Variants in ZNF462 observed in about 807,000 individuals in gnomAD.
ZNF462 encodes the protein zinc finger protein 462.
A neutral mutation model predicts 201.9 loss-of-function variants in ZNF462; 10 were observed. That is an observed-to-expected ratio of 0.05 (90% CI 0.03 to 0.08). The LOEUF is 0.08. Ranked by LOEUF, ZNF462 falls within the 10% of genes least tolerant of loss-of-function variation. The pLI is 1.00. For synonymous variants in ZNF462, 1,227 were observed against 1,193.3 expected, an observed-to-expected ratio of 1.03 and a Z score of -0.58; for missense variants, 2,523 against 3,168.3, an observed-to-expected ratio of 0.80 and a Z score of 4.89.
At chr9:106,897,482 C>A (rs544434947) in intron 1 of ZNF462, among the ~76,000 whole-genome samples, 1 of 146,044 alleles carries the variant, frequency 6.8e-6, no homozygotes, top group African/African-American at 2.5e-5. Flanking sequence ...TGAAGACTTA[C>A]TTTTTTTTTT....
chr9:106,869,330 A>G (rs1056557427), intron 1 of ZNF462, among the ~76,000 whole-genome samples: 3 of 152,178 alleles, frequency 2.0e-5, no homozygotes, highest in Non-Finnish European at 4.4e-5. Context: ...TTGCAGACTA[A>G]TGGCTAACCT....
chr9:106,927,204 T>TGGGCCCCC lies in ZNF462; in HGVS notation c.3292_3293insGGGCCCCC (p.Ser1098TrpfsTer46). ...GTCTCCCAAAATGTCCAACATGGGT[T>TGGGCCCCC]CCCCACCCCCCCCACAACCCCCGCC... On this transcript the variant is annotated frameshift_variant, in exon 3 of 13. Coordinates refer to ENST00000277225, the MANE Select transcript of ZNF462 (RefSeq NM_021224.6). LOFTEE classifies it high-confidence loss of function. 1 of 1,570,630 alleles carries TGGGCCCCC rather than the reference T, an allele frequency of 6.4e-7. No homozygotes were observed. Among genetic ancestry groups the TGGGCCCCC allele is most frequent in the Non-Finnish European group, 8.7e-7 (1 of 1,149,978 alleles).
In ZNF462 at chr9:106,920,281, T is replaced by G. The variant is rs540004859; in HGVS notation, c.-30-3073T>G. ...CCCTTCCCCTCCACTTGCTGTCACT[T>G]TTTGCACATGTGCCCATGTACCATC... is the stretch of plus-strand genomic sequence containing the variant. On this transcript the variant is annotated intron_variant, in intron 1 of 12. Coordinates refer to ENST00000277225, the MANE Select transcript of ZNF462 (RefSeq NM_021224.6). The surrounding 1 kb of genome is among the most constrained non-coding windows in gnomAD (Gnocchi z 4.3). Among the ~76,000 whole-genome samples, 1 of 152,308 alleles carries G rather than the reference T, an allele frequency of 6.6e-6. No homozygotes were observed. Among genetic ancestry groups the G allele is most frequent in the African/African-American group, 2.4e-5 (1 of 41,568 alleles).
At chr9:106,992,070 G>A (rs1439945588) in intron 10 of ZNF462, among the ~76,000 whole-genome samples, 1 of 151,772 alleles carries the variant, frequency 6.6e-6, no homozygotes, top group African/African-American at 2.4e-5. Context: ...CAGACTAGAA[G>A]CAAATATTTG....
rs1428755631 is a variant in ZNF462, at chr9:107,008,728, A to G, written c.7190-817A>G. On this transcript the variant is annotated intron_variant, in intron 11 of 12. Coordinates refer to ENST00000277225, the MANE Select transcript of ZNF462 (RefSeq NM_021224.6). The surrounding 1 kb of genome is among the most constrained non-coding windows in gnomAD (Gnocchi z 4.8). ...GAAAACAGTTAAACAGCCAATCCAC[A>G]TTTATCAGACTTCTACCATGTGCCT... 2.0e-5 allele frequency among the ~76,000 whole-genome samples: 3 copies of G among 152,216 alleles called. No individual in the cohort carries two copies. The highest frequency in any genetic ancestry group is 7.2e-5 in the African/African-American group (3 of 41,458).
rs1829085847 is a variant in ZNF462 at position 106,902,027 on chromosome 9, C to G, written c.-30-21327C>G. On this transcript the variant is annotated intron_variant, in intron 1 of 12. Coordinates refer to ENST00000277225, the MANE Select transcript of ZNF462 (RefSeq NM_021224.6). The surrounding 1 kb of genome is among the most constrained non-coding windows in gnomAD (Gnocchi z 4.2). ...CTCAGAGGGAGAGCTTTCAACTTTCCCCATTCAGTATTATGCTGGCTGTGG... is the reference window on the plus strand; with the variant it reads ...CTCAGAGGGAGAGCTTTCAACTTTCGCCATTCAGTATTATGCTGGCTGTGG... 6.6e-6 allele frequency among the ~76,000 whole-genome samples: 1 copy of G among 152,030 alleles called. No individual in the cohort carries two copies. Among genetic ancestry groups the G allele is most frequent in the African/African-American group, 2.4e-5 (1 of 41,410 alleles).
At chr9:106,960,894 T>C (rs1044195371) in intron 7 of ZNF462, among the ~76,000 whole-genome samples, 4 of 152,118 alleles carry the variant, frequency 2.6e-5, no homozygotes, top group African/African-American at 4.8e-5. Flanking sequence ...CATATCTGCT[T>C]TTCTGAGCCA....
chr9:106,892,777 C>A (rs1177584431), intron 1 of ZNF462, among the ~76,000 whole-genome samples: 1 of 152,040 alleles, frequency 6.6e-6, no homozygotes, highest in Non-Finnish European at 1.5e-5. Context: ...AGGCCTGTTT[C>A]CTCCGTCATC....
chr9:107,006,782 C>T lies in ZNF462; in HGVS notation c.7190-2763C>T, dbSNP rs1284580860. The stretch of plus-strand genomic sequence containing the variant: ...TCAGCAGGAAATGACAGCCAAGGTA[C>T]ACTACCCTTTCAAAAACCCTGTGCC... On this transcript the variant is annotated intron_variant, in intron 11 of 12. Coordinates refer to ENST00000277225, the MANE Select transcript of ZNF462 (RefSeq NM_021224.6). This position sits in a 1 kb window ranked among gnomAD's most constrained non-coding sequence, Gnocchi z 4.3. Among the ~76,000 whole-genome samples, 1 of 152,130 alleles carries T rather than the reference C, an allele frequency of 6.6e-6. No individual in the cohort carries two copies. Among genetic ancestry groups the T allele is most frequent in the Non-Finnish European group, 1.5e-5 (1 of 68,028 alleles).
chr9:106,924,030 T>C lies in ZNF462; in HGVS notation c.221-103T>C. 1.0e-6 allele frequency: 1 copy of C among 1,000,182 alleles called. No individual in the cohort carries two copies. The highest frequency in any genetic ancestry group is 1.4e-6 in the Non-Finnish European group (1 of 691,794). 62.0% of individuals were successfully genotyped at this position (1,000,182 alleles called of 1,614,324 possible). On this transcript the variant is annotated intron_variant, in intron 2 of 12. Coordinates refer to ENST00000277225, the MANE Select transcript of ZNF462 (RefSeq NM_021224.6). The surrounding 1 kb of genome is among the most constrained non-coding windows in gnomAD (Gnocchi z 6.2). ...ATCTTGAGACTTCAGGCCTTTTGCA[T>C]GTGATGTTTAGTAATGAAGAATAAT... is the stretch of plus-strand genomic sequence containing the variant.
rs750576314 is a variant in ZNF462 at position 106,928,649 on chromosome 9, C to T, written c.4737C>T (p.Cys1579=). The T allele has an allele frequency of 1.9e-6, 3 of 1,614,148 alleles. No individual in the cohort carries two copies. In the South Asian group the frequency reaches 3.3e-5, roughly 18 times the overall value. ...IFKQGYGAYR[C]KLCPYTHGTL... Reference sequence around the variant, plus strand: ...AGCAAGGGTATGGCGCCTACCGGTGCAAACTGTGTCCGTACACACACGGCA... The same window carrying T: ...AGCAAGGGTATGGCGCCTACCGGTGTAAACTGTGTCCGTACACACACGGCA... Residue 1579 remains cysteine (C), a synonymous_variant, in exon 3 of 13, where the codon TGC becomes TGT. Coordinates refer to ENST00000277225, the MANE Select transcript of ZNF462 (RefSeq NM_021224.6). The surrounding 1 kb of genome is among the most constrained non-coding windows in gnomAD (Gnocchi z 9.3).
chr9:106,884,087 T>A (rs1024497355), intron 1 of ZNF462, among the ~76,000 whole-genome samples: 1 of 152,220 alleles, frequency 6.6e-6, no homozygotes, highest in Non-Finnish European at 1.5e-5. Flanking sequence ...CAGTGATTCC[T>A]AAACCAGGCT....
At position 107,012,734 on chromosome 9, in the gene ZNF462, T is replaced by G. The variant is rs1485999937; in HGVS notation, c.*1704T>G. The G allele has an allele frequency of 6.6e-5, 5 of 75,278 alleles. No homozygotes were observed. Among genetic ancestry groups the G allele is most frequent in the South Asian group, 4.8e-4 (1 of 2,096 alleles). The allele number at this position is 75,278 out of a possible 1,614,324, so 4.7% of individuals were successfully genotyped here. On this transcript the variant is annotated 3_prime_UTR_variant, in exon 13 of 13. Transcript: ENST00000277225. Reference sequence around the variant, plus strand: ...ATGTTTTTTTTTTTTTTTTTTTACTTGGAAGGGTTGTGGGAGGGTGGGAGG... The same window carrying G: ...ATGTTTTTTTTTTTTTTTTTTTACTGGGAAGGGTTGTGGGAGGGTGGGAGG...
chr9:106,980,667 G>A lies in ZNF462; in HGVS notation c.6833-3519G>A, dbSNP rs557791702. 2.0e-5 allele frequency among the ~76,000 whole-genome samples: 3 copies of A among 152,280 alleles called. No homozygotes were observed. The South Asian group carries it at 6.2e-4, about 32-fold the overall frequency. On this transcript the variant is annotated intron_variant, in intron 9 of 12. Transcript: ENST00000277225. ...ATTACTCTCGGGCCCAACCTCTTCG[G>A]TTTTATGTCCTGCTGCAGCACCAAG...
chr9:106,910,754 A>G (rs1480163624), intron 1 of ZNF462, among the ~76,000 whole-genome samples: 1 of 127,400 alleles, frequency 7.8e-6, no homozygotes, highest in Non-Finnish European at 1.6e-5. Flanking sequence ...AGTGTGAGAC[A>G]ATTAGCCACC....
In ZNF462 at chr9:106,924,825, A is replaced by G. The variant is rs776755773; in HGVS notation, c.913A>G (p.Met305Val). Residue 305 changes from methionine to valine, a missense_variant, in exon 3 of 13, where the codon ATG becomes GTG. Transcript: ENST00000277225. This position sits in a 1 kb window ranked among gnomAD's most constrained non-coding sequence, Gnocchi z 6.2. ...CACTTCCAACTCCACCTATCTGACC[A>G]TGAATGCTGCAAGCCGGGAGATACC... ...SPTSNSTYLT[M>V]NAASREIPNT... 2 of 1,614,162 alleles carry G rather than the reference A, an allele frequency of 1.2e-6. No individual in the cohort carries two copies. The highest frequency in any genetic ancestry group is 1.7e-5 in the Admixed American group (1 of 60,024).
intron 1 of ZNF462, among the ~76,000 whole-genome samples, chr9:106,891,704 G>C (rs1345286915): frequency 1.3e-5 from 2 of 152,090 alleles, no homozygotes; most frequent in Non-Finnish European, 2.9e-5. Flanking sequence ...CCACACCCTT[G>C]ATTATAGAAA....
chr9:106,932,472 C>T lies in ZNF462; in HGVS notation c.6039C>T (p.His2013=). ...GGCTGCGTTCTCATGAGAGGAGCCA[C>T]CTGGCCCTGGCCATGTTTACCCGCG... ...VKGLRSHERS[H]LALAMFTRED... is the part of the protein sequence containing the mutation. The change falls in exon 5 of 13, where the codon CAC becomes CAT. Residue 2013 remains histidine, a synonymous_variant. Coordinates refer to ENST00000277225, the MANE Select transcript of ZNF462 (RefSeq NM_021224.6). This position sits in a 1 kb window ranked among gnomAD's most constrained non-coding sequence, Gnocchi z 6.8. 1.2e-6 allele frequency: 2 copies of T among 1,614,224 alleles called. No individual in the cohort carries two copies. The highest frequency in any genetic ancestry group is 1.6e-4 in the Middle Eastern group (1 of 6,062).
At chr9:106,961,033 C>A (rs1348057719) in intron 7 of ZNF462, among the ~76,000 whole-genome samples, 2 of 151,998 alleles carry the variant, frequency 1.3e-5, no homozygotes, top group African/African-American at 2.4e-5. Flanking sequence ...GAAGGTAATC[C>A]ATGAATACCT....
Sources: gnomAD v4.1 joint callset for allele counts (sites outside exome capture counted in the v4.1 genomes callset) on GRCh38, gnomAD v4.1.1 for gene constraint, Gnocchi (gnomAD v3.1) non-coding constraint, MANE v1.5 for transcripts, NCBI Gene and HGNC (gene_info 2026-07-23, HGNC 2026-07-21) for gene names.